The following MACIR variants were observed in gnomAD, a reference collection of about 807,000 sequenced individuals.
MACIR encodes UNC119-binding protein C5orf30.
A neutral mutation model predicts 14.3 loss-of-function variants in MACIR; 4 were observed. The observed-to-expected ratio is 0.28, with a 90% CI of 0.14 to 0.64. The LOEUF is 0.64. Among genes scored for constraint, MACIR ranks in the 30% least tolerant of loss-of-function variants. The probability of loss-of-function intolerance (pLI) is 0.83; values close to 1 mark genes in which losing one functional copy is unlikely to be tolerated. For missense variants in MACIR, 228 were observed against 257.6 expected (o/e 0.89, Z 0.79); for synonymous variants, 101 against 102.4 (o/e 0.99, Z 0.08).
intron 1 of MACIR, among the ~76,000 whole-genome samples, chr5:103,260,708 T>C (rs782439216): frequency 2.0e-5 from 3 of 152,234 alleles, no homozygotes; most frequent in Non-Finnish European, 4.4e-5. Flanking sequence ...TTTAGAGAGC[T>C]ATTATAAAAT....
At chr5:103,262,465 T>A (rs906060748) in intron 1 of MACIR, among the ~76,000 whole-genome samples, 3 of 152,244 alleles carry the variant, frequency 2.0e-5, no homozygotes, top group Non-Finnish European at 4.4e-5. Flanking sequence ...TCAATAATTA[T>A]GCCAGGGTAT....
intron 1 of MACIR, 52 bp from the exon 2 acceptor site, chr5:103,265,856 T>A (rs1376440401): frequency 6.6e-6 from 1 of 152,178 alleles, no homozygotes; most frequent in African/African-American, 2.4e-5. Context: ...TATCATGTTA[T>A]AAGTTGTGTT....
chr5:103,266,439 T>G (rs1804925028), intron 2 of MACIR, among the ~76,000 whole-genome samples: 1 of 152,182 alleles, frequency 6.6e-6, no homozygotes, highest in African/African-American at 2.4e-5. Context: ...AAAGGAGCAT[T>G]ATTTTCACTT....
chr5:103,267,072 T>G lies in MACIR; in HGVS notation c.-24+1075T>G, dbSNP rs555948971. Among the ~76,000 whole-genome samples, 321 of 152,192 alleles carry G rather than the reference T, an allele frequency of 2.1e-3. 1 individual carries two copies. Among genetic ancestry groups the G allele is most frequent in the Non-Finnish European group, 4.1e-3 (277 of 67,970 alleles). On this transcript the variant is annotated intron_variant, in intron 2 of 2. Transcript: ENST00000319933. ...TAAAGCACAAAACTAGAGCAATGGG[T>G]AGAAACTACAGGAATGTATGTGTAT... is the stretch of plus-strand genomic sequence containing the variant.
intron 2 of MACIR, among the ~76,000 whole-genome samples, chr5:103,269,669 G>T (rs1296534656): frequency 1.3e-5 from 2 of 152,066 alleles, no homozygotes; most frequent in Non-Finnish European, 2.9e-5. Context: ...TAGATAGGAA[G>T]CTTGGCCTCT....
Position 103,275,911 on chromosome 5 carries a change from G to T in MACIR, c.-9G>T. 9 of 1,607,226 alleles carry T rather than the reference G, an allele frequency of 5.6e-6. No individual in the cohort carries two copies. Among genetic ancestry groups the T allele is most frequent in the Non-Finnish European group, 7.7e-6 (9 of 1,176,146 alleles). ...TTTACTTTTAGGATTGTGCAGACTGGTGCTTAAAATGGAAGTCGATATTAA... is the reference window on the plus strand; with the variant it reads ...TTTACTTTTAGGATTGTGCAGACTGTTGCTTAAAATGGAAGTCGATATTAA... On this transcript the variant is annotated 5_prime_UTR_variant, in exon 3 of 3. Coordinates refer to ENST00000319933, the MANE Select transcript of MACIR (RefSeq NM_033211.4).
chr5:103,272,826 G>A (rs1216429956), intron 2 of MACIR, among the ~76,000 whole-genome samples: 2 of 152,160 alleles, frequency 1.3e-5, no homozygotes, highest in African/African-American at 4.8e-5. Flanking sequence ...TCTTGTACAT[G>A]TGGCAGTATA....
At chr5:103,266,811 C>A (rs1439835860) in intron 2 of MACIR, among the ~76,000 whole-genome samples, 2 of 152,032 alleles carry the variant, frequency 1.3e-5, no homozygotes, top group African/African-American at 4.8e-5. Flanking sequence ...TTCTAGTCAG[C>A]AGCAGAATGA....
At position 103,276,748 on chromosome 5, in the gene MACIR, C is replaced by A; in HGVS notation, c.*208C>A. ...GGGGATATCATTCTAGAGCACGCAA[C>A]TGCAAAGAAAACAGAATGTTGACTG... On this transcript the variant is annotated 3_prime_UTR_variant, in exon 3 of 3. Coordinates refer to ENST00000319933, the MANE Select transcript of MACIR (RefSeq NM_033211.4). The A allele has an allele frequency of 2.2e-6, 1 of 447,306 alleles. No homozygotes were observed. Among genetic ancestry groups the A allele is most frequent in the South Asian group, 7.0e-5 (1 of 14,388 alleles). 27.7% of individuals were successfully genotyped at this position (447,306 alleles called of 1,614,324 possible).
rs1805326242 is a variant in MACIR, at chr5:103,276,245, C to T, written c.326C>T (p.Thr109Ile). 1.2e-6 allele frequency: 2 copies of T among 1,612,580 alleles called. No individual in the cohort carries two copies. The highest frequency in any genetic ancestry group is 1.7e-5 in the Admixed American group (1 of 59,788). ...GLARSSRLYKTRSRYYQPYEI... is the reference protein window; with the variant it reads ...GLARSSRLYKIRSRYYQPYEI... ...GCCCGTTCCTCTCGTTTGTATAAAA[C>T]CAGAAGTAGGTACTACCAGCCATAC... The change falls in exon 3 of 3, where the codon ACC becomes ATC. Residue 109 changes from threonine to isoleucine, a missense_variant. Transcript: ENST00000319933.
intron 2 of MACIR, among the ~76,000 whole-genome samples, chr5:103,275,569 G>T (rs1805292285): frequency 1.3e-5 from 2 of 152,188 alleles, no homozygotes; most frequent in Admixed American, 6.5e-5. Context: ...GCTTGATATT[G>T]CATTAAGGAA....
chr5:103,261,455 G>A (rs26234), intron 1 of MACIR, among the ~76,000 whole-genome samples: 44,807 of 151,964 alleles, frequency 0.29, 6,611 homozygotes, highest in Non-Finnish European at 0.32. Flanking sequence ...TGTTCAGTTA[G>A]TATTCCTCCA....
At chr5:103,263,213 C>CTGCTCT (rs1333671134) in intron 1 of MACIR, among the ~76,000 whole-genome samples, 3 of 151,304 alleles carry the variant, frequency 2.0e-5, no homozygotes, top group Non-Finnish European at 4.4e-5. Flanking sequence ...CCTCCTCCTC[C>CTGCTCT]TCCTCCTCCT....
chr5:103,273,040 C>G (rs1406193247), intron 2 of MACIR, among the ~76,000 whole-genome samples: 1 of 152,156 alleles, frequency 6.6e-6, no homozygotes, highest in East Asian at 1.9e-4. Context: ...GAGACTCTCC[C>G]GCAGGAATCT....
chr5:103,271,529 T>C (rs1805125231), intron 2 of MACIR, among the ~76,000 whole-genome samples: 1 of 152,132 alleles, frequency 6.6e-6, no homozygotes, highest in Admixed American at 6.5e-5. Context: ...TTTTAAAGAA[T>C]TATTGTTACC....
At chr5:103,275,739 G>T (rs560148649) in intron 2 of MACIR, among the ~76,000 whole-genome samples, 158 bp from the exon 3 acceptor site, 2 of 152,084 alleles carry the variant, frequency 1.3e-5, no homozygotes, top group Non-Finnish European at 2.9e-5. Flanking sequence ...TTTCATGCCC[G>T]CTCTGAAACG....
At position 103,261,689 on chromosome 5, in the gene MACIR, TCTTTCTTTCTTTCTTC is replaced by T. The variant is rs1422871356; in HGVS notation, c.-114+2809_-114+2824del. On this transcript the variant is annotated intron_variant, in intron 1 of 2. Transcript: ENST00000319933. ...TTCTTTCTTTCTTTCTTTCTTTCTT[TCTTTCTTTCTTTCTTC>T]CTTTCTTTCTTTCTTTCTTTCTTTT... Among the ~76,000 whole-genome samples the T allele has an allele frequency of 8.7e-4, 111 of 127,584 alleles. 2 individuals carry two copies. Among genetic ancestry groups the T allele is most frequent in the East Asian group, 2.9e-3 (13 of 4,536 alleles). The allele number at this position is 127,584 out of a possible 152,430, so 83.7% of individuals were successfully genotyped here.
rs1805409590 is a variant in MACIR at position 103,278,345 on chromosome 5, T to C, written c.*1805T>C. 1 of 166,968 alleles carries C rather than the reference T, an allele frequency of 6.0e-6. No homozygotes were observed. The highest frequency in any genetic ancestry group is 2.1e-4 in the South Asian group (1 of 4,830). 10.3% of individuals were successfully genotyped at this position (166,968 alleles called of 1,614,324 possible). A position where few individuals can be genotyped will look rare whatever the true frequency, so the allele number is the denominator to read the frequency against. On this transcript the variant is annotated 3_prime_UTR_variant, in exon 3 of 3. Coordinates refer to ENST00000319933, the MANE Select transcript of MACIR (RefSeq NM_033211.4). ...CCTGTGGAACTGTATTATTTCTAAC[T>C]ATGAAATAAAGGGGTGATGTAAACA...
intron 2 of MACIR, among the ~76,000 whole-genome samples, chr5:103,269,081 C>T (rs1013431598): frequency 4.6e-5 from 7 of 151,894 alleles, no homozygotes; most frequent in Non-Finnish European, 1.0e-4. Context: ...TGGTGATGCA[C>T]ACCTATGTCC....
Sources: allele counts gnomAD v4.1 joint callset (sites outside exome capture counted in the v4.1 genomes callset), GRCh38; gene constraint gnomAD v4.1.1; transcripts MANE v1.5; gene names NCBI Gene and HGNC (gene_info 2026-07-23, HGNC 2026-07-21).